Variants in PRKCI observed in about 807,000 individuals in gnomAD.
The protein encoded by PRKCI is protein kinase C iota type.
Under a neutral mutation model 84.0 loss-of-function variants are expected in PRKCI, and 43 were observed. The ratio of observed to expected loss-of-function variants is 0.51; its 90% CI spans 0.40 to 0.66. The LOEUF is 0.66. Among genes scored for constraint, PRKCI ranks in the 30% least tolerant of loss-of-function variants. The pLI, the probability that PRKCI is intolerant of heterozygous loss-of-function variation, is 0.00. For missense variants in PRKCI, 459 were observed against 745.6 expected (o/e 0.62, Z 4.48); for synonymous variants, 216 against 234.4 (o/e 0.92, Z 0.72).
chr3:170,279,043 T>C (rs1025376627), intron 8 of PRKCI, among the ~76,000 whole-genome samples: 1 of 152,182 alleles, frequency 6.6e-6, no homozygotes, highest in African/African-American at 2.4e-5. Context: ...ATTATTACTA[T>C]TATTGACAGG....
At chr3:170,301,839 T>G (rs370335105) in intron 17 of PRKCI, among the ~76,000 whole-genome samples, 49 of 152,288 alleles carry the variant, frequency 3.2e-4, no homozygotes, top group African/African-American at 1.1e-3. Context: ...ATTAGAAACC[T>G]TCAGTAACTC....
At chr3:170,275,139 A>C (rs930409853) in intron 7 of PRKCI, 90 bp from the exon 8 acceptor site, 87 of 1,390,376 alleles carry the variant, frequency 6.3e-5, no homozygotes, top group Non-Finnish European at 7.8e-5. Context: ...ATCAGGAGAC[A>C]ATTTTTATTT....
intron 2 of PRKCI, among the ~76,000 whole-genome samples, chr3:170,256,409 G>T (rs1019882096): frequency 6.6e-6 from 1 of 152,124 alleles, no homozygotes; most frequent in Non-Finnish European, 1.5e-5. Flanking sequence ...TAGGTTGTAT[G>T]TGTCTAGGAA....
chr3:170,303,419 AAAC>A lies in PRKCI; in HGVS notation c.*294_*296del, dbSNP rs1734872235. ...TATCTTTTTTGTTTAAAAAAAAAAA[AAAC>A]ACTGCATTAAAAAAGTATCTGTTGC... is the stretch of plus-strand genomic sequence containing the variant. On this transcript the variant is annotated 3_prime_UTR_variant, in exon 18 of 18. Transcript: ENST00000295797. 1 of 266,736 alleles carries A rather than the reference AAAC, an allele frequency of 3.7e-6. No homozygotes were observed. The highest frequency in any genetic ancestry group is 5.5e-5 in the East Asian group (1 of 18,198). 16.5% of individuals were successfully genotyped at this position (266,736 alleles called of 1,614,324 possible). A position where few individuals can be genotyped will look rare whatever the true frequency, so the allele number is the denominator to read the frequency against.
intron 2 of PRKCI, among the ~76,000 whole-genome samples, chr3:170,257,308 A>G (rs1275046864): frequency 1.3e-5 from 2 of 152,192 alleles, no homozygotes; most frequent in Admixed American, 1.3e-4. Context: ...GAGATCACCT[A>G]GAATAAGGAC....
chr3:170,246,287 G>C (rs1032279768), intron 2 of PRKCI, among the ~76,000 whole-genome samples: 1 of 152,066 alleles, frequency 6.6e-6, no homozygotes, highest in African/African-American at 2.4e-5. Context: ...TGAGTAGCTG[G>C]GATTACAGGC....
chr3:170,230,566 G>A (rs1188493822), intron 1 of PRKCI, among the ~76,000 whole-genome samples: 2 of 152,232 alleles, frequency 1.3e-5, no homozygotes, highest in Non-Finnish European at 2.9e-5. Context: ...GTGACCTCAA[G>A]TGATTCACCC....
intron 1 of PRKCI, among the ~76,000 whole-genome samples, chr3:170,227,751 A>C (rs987015819): frequency 3.3e-5 from 5 of 152,226 alleles, no homozygotes; most frequent in African/African-American, 9.6e-5. Context: ...CAGAGTTTAG[A>C]CTTTTTCTCA....
rs1237545383 is a variant in PRKCI at position 170,305,460 on chromosome 3, C to G, written c.*2333C>G. The G allele has an allele frequency of 6.6e-6, 1 of 152,458 alleles. No individual in the cohort carries two copies. The highest frequency in any genetic ancestry group is 1.5e-5 in the Non-Finnish European group (1 of 68,008). 9.4% of individuals were successfully genotyped at this position (152,458 alleles called of 1,614,324 possible). ...AGGTATCTACCTTCCCACCAGCCCCCCAAAAAACCTCTCAGTAGTTTCTTT... is the reference window on the plus strand; with the variant it reads ...AGGTATCTACCTTCCCACCAGCCCCGCAAAAAACCTCTCAGTAGTTTCTTT... On this transcript the variant is annotated 3_prime_UTR_variant, in exon 18 of 18. Coordinates refer to ENST00000295797, the MANE Select transcript of PRKCI (RefSeq NM_002740.6).
At chr3:170,235,380 T>G in intron 2 of PRKCI, 29 bp downstream of exon 2, 1 of 1,608,858 alleles carries the variant, frequency 6.2e-7, no homozygotes, top group Non-Finnish European at 8.5e-7. Context: ...GCTGCCTGTG[T>G]AAGCATTTTA....
intron 13 of PRKCI, among the ~76,000 whole-genome samples, chr3:170,292,729 C>G (rs968254184): frequency 6.8e-6 from 1 of 147,384 alleles, no homozygotes; most frequent in African/African-American, 2.5e-5. Context: ...AAAAAAGCCC[C>G]TGTCCACACC....
chr3:170,250,444 C>CG (rs1491186149), intron 2 of PRKCI, among the ~76,000 whole-genome samples: 1 of 68,870 alleles, frequency 1.5e-5, no homozygotes, highest in African/African-American at 5.2e-5. Flanking sequence ...CCCCCCCCCC[C>CG]AAAAAAAAAT....
intron 2 of PRKCI, 84 bp from the exon 3 acceptor site, chr3:170,259,885 A>C (rs1733679602): frequency 1.5e-6 from 1 of 681,946 alleles, no homozygotes; most frequent in Non-Finnish European, 2.4e-6. Context: ...ATTTTTTCTA[A>C]AAATTTACAT....
At position 170,242,994 on chromosome 3, in the gene PRKCI, G is replaced by A. The variant is rs1181115650; in HGVS notation, c.223+7643G>A. Among the ~76,000 whole-genome samples, 3 of 151,736 alleles carry A rather than the reference G, an allele frequency of 2.0e-5. No homozygotes were observed. In the East Asian group the frequency reaches 5.8e-4, roughly 29 times the overall value. On this transcript the variant is annotated intron_variant, in intron 2 of 17. Coordinates refer to ENST00000295797, the MANE Select transcript of PRKCI (RefSeq NM_002740.6). The stretch of plus-strand genomic sequence containing the variant: ...CCTCTTGAACATTTCTTATAGAGAA[G>A]TTCTGCTGGTGAGAAATTATTCATG...
chr3:170,261,422 T>C (rs1413957057), intron 3 of PRKCI, among the ~76,000 whole-genome samples: 1 of 151,412 alleles, frequency 6.6e-6, no homozygotes, highest in African/African-American at 2.4e-5. Context: ...TGCCTTATTA[T>C]TATTTCTTTG....
At chr3:170,269,204 C>T (rs1733941111) in intron 5 of PRKCI, among the ~76,000 whole-genome samples, 1 of 152,230 alleles carries the variant, frequency 6.6e-6, no homozygotes, top group Non-Finnish European at 1.5e-5. Context: ...CTTGAGCCAC[C>T]ATGCCTGGCC....
At chr3:170,254,675 C>T (rs1055792631) in intron 2 of PRKCI, among the ~76,000 whole-genome samples, 7 of 152,052 alleles carry the variant, frequency 4.6e-5, no homozygotes, top group Non-Finnish European at 1.0e-4. Context: ...TCTGTTCCAT[C>T]GGTTTATGTG....
chr3:170,227,777 A>T (rs1189052566), intron 1 of PRKCI, among the ~76,000 whole-genome samples: 1 of 152,250 alleles, frequency 6.6e-6, no homozygotes. Flanking sequence ...GAAAATTCTA[A>T]GTAAGAGAAA....
chr3:170,276,190 C>T (rs1734109698), intron 8 of PRKCI, among the ~76,000 whole-genome samples: 1 of 152,116 alleles, frequency 6.6e-6, no homozygotes, highest in Non-Finnish European at 1.5e-5. Context: ...TCTCCCAAAT[C>T]AGCCTCTCTA....
Sources: gnomAD v4.1 joint callset for allele counts (sites outside exome capture counted in the v4.1 genomes callset) on GRCh38, gnomAD v4.1.1 for gene constraint, MANE v1.5 for transcripts, NCBI Gene and HGNC (gene_info 2026-07-23, HGNC 2026-07-21) for gene names.